The following EML1 variants were observed in gnomAD, a reference collection of about 807,000 sequenced individuals.
The protein encoded by EML1 is echinoderm microtubule-associated protein-like 1.
A neutral mutation model predicts 110.4 loss-of-function variants in EML1; 27 were observed. The ratio of observed to expected loss-of-function variants is 0.24; its 90% CI spans 0.18 to 0.34. The LOEUF is 0.34. Among genes scored for constraint, EML1 ranks in the 10% least tolerant of loss-of-function variants. The pLI is 1.00. For synonymous variants in EML1, 344 were observed against 385.8 expected, an observed-to-expected ratio of 0.89 and a Z score of 1.27; for missense variants, 741 against 1,030.9, an observed-to-expected ratio of 0.72 and a Z score of 3.85.
At chr14:99,811,400 C>T (rs548114832) in intron 1 of EML1, among the ~76,000 whole-genome samples, 1 of 151,726 alleles carries the variant, frequency 6.6e-6, no homozygotes, top group Non-Finnish European at 1.5e-5. Context: ...TTACTATTGA[C>T]CGGAACCTTA....
chr14:99,860,186 G>A (rs554274307), intron 2 of EML1, among the ~76,000 whole-genome samples: 10 of 152,226 alleles, frequency 6.6e-5, no homozygotes, highest in Admixed American at 6.5e-4. Context: ...CAAACACAGC[G>A]TTTCTCAGGC....
intron 8 of EML1, chr14:99,899,310 T>C (rs539872587): frequency 6.7e-6 from 1 of 149,272 alleles, no homozygotes; most frequent in African/African-American, 2.4e-5. Flanking sequence ...TATGCTATTT[T>C]CCATTAATTT....
At position 99,755,975 on chromosome 14, in the gene EML1, C is replaced by T. The variant is rs566628480; in HGVS notation, c.28+18115C>T. Among the ~76,000 whole-genome samples, 256 of 152,306 alleles carry T rather than the reference C, an allele frequency of 1.7e-3. 3 individuals are homozygous for T. The highest frequency in any genetic ancestry group is 3.0e-3 in the Non-Finnish European group (203 of 68,024). ...AAGGAACCCGCCCAGGGTCCCCTGCCGGCAAGTGGCAGAGTGTAGCTCCCA... is the reference window on the plus strand; with the variant it reads ...AAGGAACCCGCCCAGGGTCCCCTGCTGGCAAGTGGCAGAGTGTAGCTCCCA... On this transcript the variant is annotated intron_variant, in intron 1 of 10. Transcript: ENST00000554479.
chr14:99,937,050 G>C (rs187341221), intron 19 of EML1, among the ~76,000 whole-genome samples: 1 of 152,188 alleles, frequency 6.6e-6, no homozygotes, highest in African/African-American at 2.4e-5. Flanking sequence ...TGGCTTGGCC[G>C]CATGATGCAG....
At chr14:99,814,586 C>T (rs778164996) in intron 1 of EML1, among the ~76,000 whole-genome samples, 7 of 152,174 alleles carry the variant, frequency 4.6e-5, no homozygotes, top group Non-Finnish European at 8.8e-5. Context: ...TATTGTAAAG[C>T]ATTTTAAAAT....
At chr14:99,841,291 A>G (rs962856389) in intron 1 of EML1, among the ~76,000 whole-genome samples, 2 of 152,248 alleles carry the variant, frequency 1.3e-5, no homozygotes, top group Non-Finnish European at 2.9e-5. Flanking sequence ...CTGAAGATCA[A>G]TGTTTGCTTT....
At chr14:99,788,277 T>G (rs2057622048) in intron 1 of EML1, among the ~76,000 whole-genome samples, 1 of 152,208 alleles carries the variant, frequency 6.6e-6, no homozygotes, top group African/African-American at 2.4e-5. Flanking sequence ...CAAATGTCTC[T>G]TAGATTGTGA....
chr14:99,853,175 ATTTC>A (rs937537618), intron 2 of EML1, among the ~76,000 whole-genome samples: 49 of 152,332 alleles, frequency 3.2e-4, no homozygotes, highest in African/African-American at 1.1e-3. Context: ...GTCATCTGAT[ATTTC>A]TTTATAAACA....
chr14:99,748,652 T>C (rs1480882602), intron 1 of EML1, among the ~76,000 whole-genome samples: 1 of 151,880 alleles, frequency 6.6e-6, no homozygotes, highest in Non-Finnish European at 1.5e-5. Flanking sequence ...AGCGAGACCC[T>C]GTCTCAAAAA....
chr14:99,778,267 T>C (rs1005576522), intron 1 of EML1, among the ~76,000 whole-genome samples: 4 of 152,254 alleles, frequency 2.6e-5, no homozygotes, highest in Non-Finnish European at 5.9e-5. Flanking sequence ...TATATTACTA[T>C]GACTATCAAA....
intron 1 of EML1, among the ~76,000 whole-genome samples, chr14:99,842,628 G>A (rs537399193): frequency 6.6e-6 from 1 of 152,128 alleles, no homozygotes; most frequent in South Asian, 2.1e-4. Context: ...GGTGGTGGGG[G>A]TTTTTATTAA....
chr14:99,743,017 G>A (rs963447767), intron 1 of EML1, among the ~76,000 whole-genome samples: 8 of 152,254 alleles, frequency 5.3e-5, no homozygotes, highest in East Asian at 3.9e-4. Context: ...GCTGGGCACC[G>A]GGTGGGGACA....
chr14:99,929,986 C>T (rs958270055), intron 17 of EML1, among the ~76,000 whole-genome samples: 1 of 152,150 alleles, frequency 6.6e-6, no homozygotes, highest in Non-Finnish European at 1.5e-5. Context: ...CCTCCTGGGC[C>T]TTCCCAGGAT....
chr14:99,937,524 G>A (rs2060497126), intron 19 of EML1, among the ~76,000 whole-genome samples: 1 of 152,174 alleles, frequency 6.6e-6, no homozygotes, highest in Non-Finnish European at 1.5e-5. Context: ...TGGGCAGCAG[G>A]CGGAGACCCA....
Position 99,937,801 on chromosome 14 carries a change from T to C in EML1, c.2096-16T>C, listed in dbSNP as rs1321615272. The C allele has an allele frequency of 1.5e-5, 24 of 1,612,698 alleles. No individual in the cohort carries two copies. The highest frequency in any genetic ancestry group is 1.6e-4 in the Middle Eastern group (1 of 6,076). ...GGCCTTGGCTTAGATGTTGCCAGAC[T>C]GTTTGCTTTTTGCAGGGGTTCCCTC... On this transcript the variant is annotated splice_polypyrimidine_tract_variant and intron_variant, in intron 19 of 21. Coordinates refer to ENST00000262233, the MANE Select transcript of EML1 (RefSeq NM_004434.3).
At chr14:99,909,068 C>G (rs889980778) in intron 10 of EML1, among the ~76,000 whole-genome samples, 2 of 152,214 alleles carry the variant, frequency 1.3e-5, no homozygotes, top group South Asian at 2.1e-4. Context: ...ATGCCTGGCC[C>G]TGGGAGAGGC....
intron 1 of EML1, among the ~76,000 whole-genome samples, chr14:99,809,282 A>G (rs2058033800): frequency 6.6e-6 from 1 of 152,174 alleles, no homozygotes; most frequent in African/African-American, 2.4e-5. Context: ...TATTTATCAA[A>G]CTTTGACCTT....
chr14:99,782,107 C>T (rs8015928), intron 1 of EML1, among the ~76,000 whole-genome samples: 1,727 of 152,310 alleles, frequency 0.011, 26 homozygotes, highest in African/African-American at 0.039. Context: ...TGTCAGCTTG[C>T]ATGCTTGGGT....
chr14:99,814,280 AT>A (rs1012159480), intron 1 of EML1, among the ~76,000 whole-genome samples: 9 of 152,084 alleles, frequency 5.9e-5, no homozygotes, highest in African/African-American at 2.2e-4. Context: ...TTTTATTTAA[AT>A]TTTTTTAGGG....
Sources: allele counts gnomAD v4.1 joint callset (sites outside exome capture counted in the v4.1 genomes callset), GRCh38; gene constraint gnomAD v4.1.1; transcripts MANE v1.5; gene names NCBI Gene and HGNC (gene_info 2026-07-23, HGNC 2026-07-21).